Variants in MAP7D3 observed in about 807,000 individuals in gnomAD.
The protein encoded by MAP7D3 is MAP7 domain-containing protein 3.
A neutral mutation model predicts 62.2 loss-of-function variants in MAP7D3; 45 were observed. The ratio of observed to expected loss-of-function variants is 0.72; its 90% CI spans 0.57 to 0.93. The LOEUF (loss-of-function observed/expected upper bound fraction) is 0.93, where lower values mean the gene tolerates loss of function less well. Among genes scored for constraint, MAP7D3 ranks in the 40% least tolerant of loss-of-function variants. MAP7D3 has a pLI of 0.00. For synonymous variants in MAP7D3, 288 were observed against 248.8 expected (o/e 1.16, Z -1.48); for missense variants, 711 against 683.1 (o/e 1.04, Z -0.45).
In MAP7D3 at chrX:136,217,237, C is replaced by G. The variant is rs910872206; in HGVS notation, c.*1289G>C. 1.8e-5 allele frequency: 2 copies of G among 112,241 alleles called. No homozygotes were observed. Among genetic ancestry groups the G allele is most frequent in the Non-Finnish European group, 3.8e-5 (2 of 53,226 alleles). The allele number at this position is 112,241 out of a possible 1,213,427, so 9.2% of individuals were successfully genotyped here. On this transcript the variant is annotated 3_prime_UTR_variant, in exon 19 of 19. Coordinates refer to ENST00000316077, the MANE Select transcript of MAP7D3 (RefSeq NM_024597.4). ...TGTGCATTTCTGTGTGCCCATCACA[C>G]GAACTCACTGGCAGCCAGTGGCTAG...
Position 136,246,311 on chromosome X carries a change from C to T in MAP7D3, c.101G>A (p.Arg34Lys), listed in dbSNP as rs1167878066. 2 of 1,199,199 alleles carry T rather than the reference C, an allele frequency of 1.7e-6. No homozygotes were observed. The highest frequency in any genetic ancestry group is 2.3e-6 in the Non-Finnish European group (2 of 885,966). The change falls in exon 2 of 19, where the codon AGG becomes AAG. Residue 34 changes from arginine (R) to lysine (K), a missense_variant. By Grantham distance (26) the Arg-to-Lys change is conservative (BLOSUM62 2). Coordinates refer to ENST00000316077, the MANE Select transcript of MAP7D3 (RefSeq NM_024597.4). ...VAAANEIAKE[R>K]RKQDVVNRVA... ...ACGATTAACCACATCTTGCTTCCTC[C>T]TTTCCTTAGCAATCTCGTTTGCTGC...
At chrX:136,218,861 T>G (rs1353253939) in intron 18 of MAP7D3, among the ~76,000 whole-genome samples, 1 of 111,266 alleles carries the variant, frequency 9.0e-6, no homozygotes, top group Non-Finnish European at 1.9e-5. Flanking sequence ...AAGATCATTT[T>G]TTTTTTTGAG....
At chrX:136,230,987 T>C in intron 8 of MAP7D3, 21 bp from the exon 9 acceptor site, 6 of 1,130,564 alleles carry the variant, frequency 5.3e-6, no homozygotes, top group East Asian at 6.2e-5. Context: ...AAACACAGTA[T>C]GGTAAATTAC....
chrX:136,252,115 GC>G (rs1360262792), upstream of MAP7D3, among the ~76,000 whole-genome samples: 1 of 111,531 alleles, frequency 9.0e-6, no homozygotes, highest in African/African-American at 3.3e-5. Context: ...CTTCATGGGG[GC>G]TTGCCCTTAT....
At position 136,244,631 on chromosome X, in the gene MAP7D3, C is replaced by A. The variant is rs773779954; in HGVS notation, c.417+1G>T. 3.3e-6 allele frequency: 4 copies of A among 1,206,862 alleles called. No individual in the cohort carries two copies. In the South Asian group the frequency reaches 7.2e-5, roughly 22 times the overall value. On this transcript the variant is annotated splice_donor_variant, in intron 4 of 18. Transcript: ENST00000316077. LOFTEE classifies it high-confidence loss of function. Reference sequence around the variant, plus strand: ...CATGCACAGGCTGCAAAATTATGTACCTTTTGTGCTTCATCCTTCTGGTGT... The same window carrying A: ...CATGCACAGGCTGCAAAATTATGTAACTTTTGTGCTTCATCCTTCTGGTGT...
downstream of MAP7D3, among the ~76,000 whole-genome samples, chrX:136,216,471 A>G (rs1226360680): frequency 1.9e-5 from 2 of 107,822 alleles, no homozygotes; most frequent in African/African-American, 6.7e-5. Context: ...GTATGGTGCC[A>G]TGACTGTGGT....
At chrX:136,213,924 G>A (rs1015449608), downstream of MAP7D3, 2 of 112,162 alleles carry the variant, frequency 1.8e-5, no homozygotes, top group Non-Finnish European at 3.8e-5. Flanking sequence ...GATCACCTGA[G>A]GTCAGGAGTT....
chrX:136,246,350 C>A lies in MAP7D3; in HGVS notation c.71-9G>T, dbSNP rs1434048764. On this transcript the variant is annotated splice_polypyrimidine_tract_variant and intron_variant, in intron 1 of 18. Transcript: ENST00000316077. The stretch of plus-strand genomic sequence containing the variant: ...CTCGTTTGCTGCAGCAACTAAAATA[C>A]AGGGAGATAAAAGGATTAGATGTTA... 2 of 1,117,414 alleles carry A rather than the reference C, an allele frequency of 1.8e-6. No homozygotes were observed. Among genetic ancestry groups the A allele is most frequent in the South Asian group, 3.7e-5 (2 of 53,681 alleles). The allele number at this position is 1,117,414 out of a possible 1,213,427, so 92.1% of individuals were successfully genotyped here.
At chrX:136,213,987 A>T (rs1399639763), downstream of MAP7D3, 1 of 110,862 alleles carries the variant, frequency 9.0e-6, no homozygotes, top group African/African-American at 3.3e-5. Flanking sequence ...AAAATACACA[A>T]ATTAGCCAAG....
chrX:136,254,527 A>T (rs2074540614), upstream of MAP7D3, among the ~76,000 whole-genome samples: 1 of 111,955 alleles, frequency 8.9e-6, no homozygotes, highest in South Asian at 3.8e-4. Context: ...GCCTCAGTCC[A>T]GCCAGGGTGT....
intron 10 of MAP7D3, among the ~76,000 whole-genome samples, chrX:136,229,963 GTATA>G (rs1314350673): frequency 0.023 from 817 of 35,855 alleles, 12 homozygotes; most frequent in Non-Finnish European, 0.03. Flanking sequence ...TTTTGTGTGT[GTATA>G]TATATATATA....
Position 136,251,330 on chromosome X carries a change from GCGCCAGCTGCGGCGCCGTCCGCCAT to G in MAP7D3, c.4_28del (p.Met2LeufsTer7), listed in dbSNP as rs2148426884. On this transcript the variant is annotated frameshift_variant, in exon 1 of 19. Transcript: ENST00000316077. LOFTEE classifies it high-confidence loss of function. Reference sequence around the variant, plus strand: ...CTCTCTCAAGGATGGGCTGCCGCCAGCGCCAGCTGCGGCGCCGTCCGCCATCATCGGAGTCGGGACCGGAGGCGGT... The same window carrying G: ...CTCTCTCAAGGATGGGCTGCCGCCAGCATCGGAGTCGGGACCGGAGGCGGT... 2.7e-6 allele frequency: 3 copies of G among 1,127,969 alleles called. No homozygotes were observed. Among genetic ancestry groups the G allele is most frequent in the East Asian group, 7.3e-5 (2 of 27,526 alleles). 93.0% of individuals were successfully genotyped at this position (1,127,969 alleles called of 1,213,427 possible).
At chrX:136,221,035 C>A in intron 15 of MAP7D3, 72 bp from the exon 16 acceptor site, 1 of 807,156 alleles carries the variant, frequency 1.2e-6, no homozygotes, top group Non-Finnish European at 1.9e-6. Context: ...AGGCTATGAT[C>A]CTGATGGGAT....
rs371085349 is a variant in MAP7D3 at position 136,225,970 on chromosome X, C to A, written c.2078G>T (p.Arg693Leu). ...KIKAQEEADK[R>L]KKEHERIMLQ... Reference sequence around the variant, plus strand: ...CATAATTCTCTCGTGTTCTTTCTTGCGTTTGTCAGCTTCCTCTTGAGCTTT... The same window carrying A: ...CATAATTCTCTCGTGTTCTTTCTTGAGTTTGTCAGCTTCCTCTTGAGCTTT... The change falls in exon 13 of 19, where the codon CGC (arginine) becomes CTC (leucine). Residue 693 changes from arginine (R) to leucine (L), a missense_variant. Arg to Leu is a moderately radical substitution (Grantham distance 102). Coordinates refer to ENST00000316077, the MANE Select transcript of MAP7D3 (RefSeq NM_024597.4). 3.2e-5 allele frequency: 39 copies of A among 1,202,807 alleles called. No homozygotes were observed. Among genetic ancestry groups the A allele is most frequent in the Non-Finnish European group, 4.4e-5 (39 of 891,430 alleles).
chrX:136,254,662 G>A (rs1046762292), upstream of MAP7D3, among the ~76,000 whole-genome samples: 1 of 110,718 alleles, frequency 9.0e-6, no homozygotes, highest in African/African-American at 3.3e-5. Flanking sequence ...TGTTTGGAGT[G>A]ATCAGAGAAG....
chrX:136,246,297 C>T lies in MAP7D3; in HGVS notation c.115G>A (p.Val39Met), dbSNP rs374772979. The T allele has an allele frequency of 5.4e-5, 65 of 1,203,722 alleles. No homozygotes were observed. The highest frequency in any genetic ancestry group is 3.3e-4 in the African/African-American group (19 of 57,117). ...GAATGGGTTGCAACACGATTAACCA[C>T]ATCTTGCTTCCTCCTTTCCTTAGCA... The part of the protein sequence containing the change: ...EIAKERRKQD[V>M]VNRVATHSSN... Residue 39 changes from valine to methionine, a missense_variant, in exon 2 of 19, where the codon GTG (valine) becomes ATG (methionine). Coordinates refer to ENST00000316077, the MANE Select transcript of MAP7D3 (RefSeq NM_024597.4).
At chrX:136,246,402 C>A in intron 1 of MAP7D3, 61 bp from the exon 2 acceptor site, 1 of 706,267 alleles carries the variant, frequency 1.4e-6, no homozygotes, top group South Asian at 2.5e-5. Flanking sequence ...ACACAGGAGT[C>A]AGCAAACCAC....
intron 10 of MAP7D3, among the ~76,000 whole-genome samples, chrX:136,230,085 C>T (rs2074248994): frequency 9.6e-6 from 1 of 103,654 alleles, no homozygotes; most frequent in Non-Finnish European, 2.0e-5. Context: ...CTCACCTCAG[C>T]CTCCCAAAGT....
At chrX:136,215,380 C>A (rs954843425), downstream of MAP7D3, among the ~76,000 whole-genome samples, 2 of 111,463 alleles carry the variant, frequency 1.8e-5, no homozygotes, top group Non-Finnish European at 3.8e-5. Flanking sequence ...GAAGTGAGAA[C>A]CCTATTGTGA....
Sources: allele counts gnomAD v4.1 joint callset (sites outside exome capture counted in the v4.1 genomes callset), GRCh38; gene constraint gnomAD v4.1.1; transcripts MANE v1.5; gene names NCBI Gene and HGNC (gene_info 2026-07-23, HGNC 2026-07-21).